The following UNG variants were observed in gnomAD, a reference collection of about 807,000 sequenced individuals.
The protein encoded by UNG is uracil-DNA glycosylase.
Under a neutral mutation model 36.5 loss-of-function variants are expected in UNG, and 34 were observed. The observed-to-expected ratio is 0.93, with a 90% confidence interval of 0.71 to 1.24. The LOEUF is 1.24. Ranked by LOEUF, UNG falls within the 50% of genes most tolerant of loss-of-function variation. The pLI is 0.00. For synonymous variants in UNG, 172 were observed against 157.8 expected, an observed-to-expected ratio of 1.09 and a Z score of -0.67; for missense variants, 391 against 397.6, an observed-to-expected ratio of 0.98 and a Z score of 0.14.
At chr12:109,101,164 C>A (rs1031532328) in intron 3 of UNG, among the ~76,000 whole-genome samples, 1 of 114,588 alleles carries the variant, frequency 8.7e-6, no homozygotes, top group Non-Finnish European at 1.6e-5. Context: ...GCAATCTCGG[C>A]TTACTGCAAC....
rs1164989232 is a variant in UNG at position 109,102,352 on chromosome 12, C to T, written c.533+353C>T. ...TTTGGGCCGGGCGCGGTGACTCACG[C>T]CTGTAATCCCAGCACTTTGGGAGGC... On this transcript the variant is annotated intron_variant, in intron 4 of 6. Transcript: ENST00000242576. 2.0e-5 allele frequency among the ~76,000 whole-genome samples: 3 copies of T among 152,240 alleles called. No homozygotes were observed. In the East Asian group the frequency reaches 5.8e-4, roughly 29 times the overall value.
rs550118078 is a variant in UNG, at chr12:109,099,033, G to A, written c.340-156G>A. Among the ~76,000 whole-genome samples, 3 of 152,288 alleles carry A rather than the reference G, an allele frequency of 2.0e-5. No individual in the cohort carries two copies. In the South Asian group the frequency reaches 6.2e-4, roughly 32 times the overall value. ...ATTGAACCACTTAGGTGGGGGGGCAGGCACTGTTTTTGTTTGTTGTTTTTT... is the reference window on the plus strand; with the variant it reads ...ATTGAACCACTTAGGTGGGGGGGCAAGCACTGTTTTTGTTTGTTGTTTTTT... On this transcript the variant is annotated intron_variant, in intron 2 of 6. Transcript: ENST00000242576.
intron 6 of UNG, 126 bp downstream of exon 6, chr12:109,103,737 C>A: frequency 8.8e-7 from 1 of 1,133,204 alleles, no homozygotes; most frequent in Non-Finnish European, 1.2e-6. Context: ...CTTTTATTTT[C>A]CCTTAGGCCT....
intron 3 of UNG, among the ~76,000 whole-genome samples, chr12:109,099,836 G>A (rs2042163798): frequency 6.6e-6 from 1 of 152,144 alleles, no homozygotes; most frequent in Admixed American, 6.5e-5. Flanking sequence ...CAGCACTTTC[G>A]GAGGCCAAAG....
chr12:109,098,165 C>T, intron 1 of UNG: 2 of 1,399,202 alleles, frequency 1.4e-6, no homozygotes, highest in East Asian at 2.6e-5. Flanking sequence ...GGGGGCGGGG[C>T]ACCTCTGTGC....
chr12:109,101,415 G>A (rs1271327032), intron 3 of UNG, among the ~76,000 whole-genome samples: 1 of 150,712 alleles, frequency 6.6e-6, no homozygotes, highest in Middle Eastern at 3.2e-3. Flanking sequence ...TCATCGAAAA[G>A]TAACTGGGGG....
chr12:109,098,112 G>C, intron 1 of UNG: 1 of 1,379,488 alleles, frequency 7.2e-7, no homozygotes, highest in East Asian at 2.7e-5. Context: ...GAGGTTTTTT[G>C]CCGCGAAAAG....
In UNG at chr12:109,101,973, T is replaced by A. The variant is rs1396363870; in HGVS notation, c.507T>A (p.Val169=). ...PNQAHGLCFS[V]QRPVPPPPSL... The stretch of plus-strand genomic sequence containing the variant: ...AAGCTCACGGGCTCTGCTTTAGTGT[T>A]CAAAGGCCTGTTCCGCCTCCGCCCA... Residue 169 remains valine, a synonymous_variant, in exon 4 of 7, where the codon GTT becomes GTA. Coordinates refer to ENST00000242576, the MANE Select transcript of UNG (RefSeq NM_080911.3). 1 of 1,613,990 alleles carries A rather than the reference T, an allele frequency of 6.2e-7. No homozygotes were observed. Among genetic ancestry groups the A allele is most frequent in the Admixed American group, 1.7e-5 (1 of 60,018 alleles).
chr12:109,108,378 A>G (rs1365528046), intron 6 of UNG, among the ~76,000 whole-genome samples: 1 of 152,048 alleles, frequency 6.6e-6, no homozygotes, highest in East Asian at 1.9e-4. Context: ...TCACGCCTGT[A>G]ATCCCAACAC....
intron 6 of UNG, among the ~76,000 whole-genome samples, chr12:109,109,104 A>G (rs538477078): frequency 6.6e-6 from 1 of 152,316 alleles, no homozygotes; most frequent in South Asian, 2.1e-4. Flanking sequence ...TGTCATAAAT[A>G]TATCTTCAAC....
chr12:109,106,297 T>A (rs1157449181), intron 6 of UNG, among the ~76,000 whole-genome samples: 2 of 152,056 alleles, frequency 1.3e-5, no homozygotes, highest in African/African-American at 4.8e-5. Context: ...CTACTGAGGG[T>A]AGAGGTAGGC....
rs1593321593 is a variant in UNG, at chr12:109,102,788, A to G, written c.534-51A>G. The stretch of plus-strand genomic sequence containing the variant: ...ATGTCTTAGACGTTACTGAGCTTTC[A>G]AAATTATGCTTAAGATTCTGTTTTT... On this transcript the variant is annotated intron_variant, in intron 4 of 6. Transcript: ENST00000242576. The G allele has an allele frequency of 6.0e-6, 9 of 1,494,518 alleles. No homozygotes were observed. In the East Asian group the frequency reaches 2.0e-4, roughly 34 times the overall value. 92.6% of individuals were successfully genotyped at this position (1,494,518 alleles called of 1,614,324 possible).
intron 1 of UNG, 188 bp from the exon 2 acceptor site, chr12:109,098,244 A>G (rs1020757525): frequency 6.7e-7 from 1 of 1,497,872 alleles, no homozygotes. Flanking sequence ...TCCCCGCTCC[A>G]GTTTAGAACC....
Position 109,098,520 on chromosome 12 carries a change from T to A in UNG, c.221T>A (p.Ile74Asn). The change falls in exon 2 of 7, where the codon ATC becomes AAC. Residue 74 changes from isoleucine to asparagine, a missense_variant. Transcript: ENST00000242576. ...CTGAGTGCCGAGCAGTTGGACCGGATCCAGAGGAACAAGGCCGCGGCCCTG... is the reference window on the plus strand; with the variant it reads ...CTGAGTGCCGAGCAGTTGGACCGGAACCAGAGGAACAAGGCCGCGGCCCTG... ...SPLSAEQLDR[I>N]QRNKAAALLR... The A allele has an allele frequency of 6.2e-7, 1 of 1,612,944 alleles. No individual in the cohort carries two copies. The highest frequency in any genetic ancestry group is 8.5e-7 in the Non-Finnish European group (1 of 1,179,920).
At chr12:109,100,203 C>T in intron 3 of UNG, among the ~76,000 whole-genome samples, 1 of 152,194 alleles carries the variant, frequency 6.6e-6, no homozygotes, top group East Asian at 1.9e-4. Flanking sequence ...TGGCAAACCC[C>T]TCCCCACTTC....
chr12:109,101,333 G>C (rs1359020850), intron 3 of UNG, among the ~76,000 whole-genome samples: 1 of 151,694 alleles, frequency 6.6e-6, no homozygotes, highest in Non-Finnish European at 1.5e-5. Context: ...CTCGTGATCT[G>C]CCTACCTCGG....
At chr12:109,107,802 G>A (rs2042229279) in intron 6 of UNG, among the ~76,000 whole-genome samples, 2 of 152,154 alleles carry the variant, frequency 1.3e-5, no homozygotes, top group Admixed American at 1.3e-4. Flanking sequence ...TGGGATTACA[G>A]GTGTGAGCCA....
intron 6 of UNG, among the ~76,000 whole-genome samples, chr12:109,104,589 C>T (rs3219244): frequency 0.026 from 4,013 of 152,236 alleles, 73 homozygotes; most frequent in Non-Finnish European, 0.041. Flanking sequence ...GCTTCTCATT[C>T]GCCACTGCTG....
intron 4 of UNG, among the ~76,000 whole-genome samples, chr12:109,102,635 A>T (rs2042186758): frequency 6.6e-6 from 1 of 152,206 alleles, no homozygotes; most frequent in Non-Finnish European, 1.5e-5. Context: ...CCAAGTACAG[A>T]CTAAAGTAAA....
Sources: gnomAD v4.1 joint callset for allele counts (sites outside exome capture counted in the v4.1 genomes callset) on GRCh38, gnomAD v4.1.1 for gene constraint, MANE v1.5 for transcripts, NCBI Gene and HGNC (gene_info 2026-07-23, HGNC 2026-07-21) for gene names.